Variants in SHTN1 observed in about 807,000 individuals in gnomAD.
SHTN1 encodes shootin 1.
In SHTN1, 42 loss-of-function variants were observed where a neutral mutation model predicts 83.1. The ratio of observed to expected loss-of-function variants is 0.51; its 90% confidence interval spans 0.39 to 0.65. The LOEUF (loss-of-function observed/expected upper bound fraction) is 0.65. Ranked by LOEUF, SHTN1 falls within the 30% of genes least tolerant of loss-of-function variation. The pLI, the probability that SHTN1 is intolerant of heterozygous loss-of-function variation, is 0.00. For synonymous variants in SHTN1, 224 were observed against 247.7 expected, an observed-to-expected ratio of 0.90 and a Z score of 0.90; for missense variants, 622 against 737.8, an observed-to-expected ratio of 0.84 and a Z score of 1.82.
intron 2 of SHTN1, among the ~76,000 whole-genome samples, chr10:116,971,403 C>T (rs931735383): frequency 2.0e-5 from 3 of 152,156 alleles, no homozygotes; most frequent in Middle Eastern, 3.2e-3. Flanking sequence ...GTTTAAAATT[C>T]GAAATAGTAG....
intron 11 of SHTN1, among the ~76,000 whole-genome samples, chr10:116,927,126 T>G (rs1848771028): frequency 6.6e-6 from 1 of 152,256 alleles, no homozygotes; most frequent in Non-Finnish European, 1.5e-5. Context: ...ACAATTAGCA[T>G]GTTTACGTTT....
intron 5 of SHTN1, 52 bp from the exon 6 acceptor site, chr10:116,952,058 AAATC>A (rs112419296): frequency 2.2e-6 from 2 of 925,528 alleles, no homozygotes; most frequent in African/African-American, 1.7e-5. Context: ...TTAAAATAAG[AAATC>A]AATCTGGTCA....
chr10:117,058,238 A>T (rs1390761071), intron 1 of SHTN1, among the ~76,000 whole-genome samples: 1 of 152,220 alleles, frequency 6.6e-6, no homozygotes, highest in Non-Finnish European at 1.5e-5. Context: ...ATAAAAAGGC[A>T]ACCCACAAAA....
At chr10:117,009,952 T>C (rs192902735), upstream of SHTN1, among the ~76,000 whole-genome samples, 281 of 151,162 alleles carry the variant, frequency 1.9e-3, no homozygotes, top group African/African-American at 6.3e-3. Context: ...AAGACAGTGC[T>C]CAGAGAGAAA....
Position 116,915,397 on chromosome 10 carries a change from T to C in SHTN1, c.1283A>G (p.Gln428Arg). The change falls in exon 13 of 17, where the codon CAG becomes CGG. Residue 428 changes from glutamine (Q) to arginine (R), a missense_variant. Physicochemically the swap from Gln to Arg is conservative, Grantham distance 43 (BLOSUM62 1). Coordinates refer to ENST00000355371, the MANE Select transcript of SHTN1 (RefSeq NM_001127211.3). The stretch of plus-strand genomic sequence containing the variant: ...TACCTTTGTCTTCGGTCTGGCTGTC[T>C]GATTAACGGGTCTAAGATGAACTCC... Reference protein sequence around the residue: ...KKGVHLRPVNQTARPKTKPES... With the variant: ...KKGVHLRPVNRTARPKTKPES... 1 of 1,599,160 alleles carries C rather than the reference T, an allele frequency of 6.3e-7. No homozygotes were observed. The highest frequency in any genetic ancestry group is 8.6e-7 in the Non-Finnish European group (1 of 1,166,508).
At chr10:117,052,582 T>C (rs909990113) in intron 1 of SHTN1, among the ~76,000 whole-genome samples, 2 of 152,220 alleles carry the variant, frequency 1.3e-5, no homozygotes, top group East Asian at 1.9e-4. Context: ...GATGGATATA[T>C]AGATCGATGG....
intron 1 of SHTN1, among the ~76,000 whole-genome samples, chr10:117,099,976 G>A (rs528351356): frequency 9.9e-5 from 15 of 152,112 alleles, no homozygotes; most frequent in African/African-American, 2.9e-4. Flanking sequence ...TCGGGAGTTC[G>A]AGACCAGCCT....
rs559166111 is a variant in SHTN1 at position 116,893,781 on chromosome 10, C to T, written c.1674-7215G>A. On this transcript the variant is annotated intron_variant, in intron 16 of 16. Transcript: ENST00000355371. ...TATGGCCAACTAAATTAATTTCCAG[C>T]TGAGATAATTAGTTTGAGAGAATAA... Among the ~76,000 whole-genome samples the T allele has an allele frequency of 2.6e-5, 4 of 152,256 alleles. No homozygotes were observed. In the South Asian group the frequency reaches 8.3e-4, roughly 32 times the overall value.
At chr10:117,027,511 T>TC (rs397788796) in intron 2 of SHTN1, among the ~76,000 whole-genome samples, 1 of 151,166 alleles carries the variant, frequency 6.6e-6, no homozygotes, top group Non-Finnish European at 1.5e-5. Context: ...TCTTTTTTTT[T>TC]CTTTTGAGAC....
intron 1 of SHTN1, among the ~76,000 whole-genome samples, chr10:117,122,305 G>A (rs772230905): frequency 3.8e-4 from 58 of 151,946 alleles, no homozygotes; most frequent in Admixed American, 2.6e-4. Context: ...TCAACCTCCC[G>A]TATAGCTGGA....
intron 2 of SHTN1, among the ~76,000 whole-genome samples, chr10:117,047,383 T>TA (rs5788205): frequency 4.7e-4 from 71 of 152,050 alleles, no homozygotes; most frequent in East Asian, 1.6e-3. Flanking sequence ...TATTTTTTTT[T>TA]AAAAATAATC....
intron 1 of SHTN1, among the ~76,000 whole-genome samples, chr10:117,052,090 T>C (rs138549882): frequency 5.8e-4 from 78 of 135,436 alleles, no homozygotes; most frequent in African/African-American, 1.9e-3. Context: ...AAATCTATCA[T>C]AAAAAAATAA....
intron 2 of SHTN1, among the ~76,000 whole-genome samples, chr10:117,015,197 T>C (rs1852165041): frequency 6.6e-6 from 1 of 152,250 alleles, no homozygotes; most frequent in Admixed American, 6.5e-5. Context: ...AATTAACTTC[T>C]GTGTCACTGT....
chr10:117,075,224 G>A (rs944101193), intron 1 of SHTN1, among the ~76,000 whole-genome samples: 1 of 152,158 alleles, frequency 6.6e-6, no homozygotes, highest in East Asian at 1.9e-4. Context: ...CTGAGAATCA[G>A]TGTTTCTCAA....
rs9421253 is a variant in SHTN1, at chr10:116,883,835, A to T, written c.*2509T>A. On this transcript the variant is annotated 3_prime_UTR_variant, in exon 17 of 17. Coordinates refer to ENST00000355371, the MANE Select transcript of SHTN1 (RefSeq NM_001127211.3). ...CTTCCATGGGACTGTTCAGCTGCTG[A>T]AACTGCTGTGGGTGAGGACTTTGTT... The T allele has an allele frequency of 0.023, 4,160 of 177,994 alleles. 180 individuals are homozygous for T. Among genetic ancestry groups the T allele is most frequent in the African/African-American group, 0.095 (3,942 of 41,662 alleles). 11.0% of individuals were successfully genotyped at this position (177,994 alleles called of 1,614,324 possible). A position where few individuals can be genotyped will look rare whatever the true frequency, so the allele number is the denominator to read the frequency against.
At chr10:117,005,816 C>G (rs1851997086), upstream of SHTN1, among the ~76,000 whole-genome samples, 1 of 152,254 alleles carries the variant, frequency 6.6e-6, no homozygotes, top group African/African-American at 2.4e-5. Flanking sequence ...AACGTGGACC[C>G]TGCTGCACGT....
chr10:117,096,343 T>C (rs980779658), intron 1 of SHTN1, among the ~76,000 whole-genome samples: 2 of 152,220 alleles, frequency 1.3e-5, no homozygotes, highest in African/African-American at 4.8e-5. Context: ...GATAGATTTC[T>C]TATGAAAAGG....
intron 1 of SHTN1, among the ~76,000 whole-genome samples, chr10:117,112,252 C>T (rs1853779219): frequency 6.6e-6 from 1 of 152,140 alleles, no homozygotes; most frequent in Admixed American, 6.5e-5. Context: ...AAGTGTGAGC[C>T]ACTGAGCCCA....
At chr10:117,078,461 A>G (rs193264823) in intron 1 of SHTN1, among the ~76,000 whole-genome samples, 1 of 152,236 alleles carries the variant, frequency 6.6e-6, no homozygotes, top group African/African-American at 2.4e-5. Context: ...CACCTATGAG[A>G]GTAGTAGATT....
Sources: gnomAD v4.1 joint callset for allele counts (sites outside exome capture counted in the v4.1 genomes callset) on GRCh38, gnomAD v4.1.1 for gene constraint, MANE v1.5 for transcripts, NCBI Gene and HGNC (gene_info 2026-07-23, HGNC 2026-07-21) for gene names.